The following SLC44A3 variants were observed in gnomAD, a reference collection of about 807,000 sequenced individuals.
The protein encoded by SLC44A3 is solute carrier family 44 member 3, also known as choline transporter-like protein 3.
A neutral mutation model predicts 75.4 loss-of-function variants in SLC44A3; 74 were observed. That is an observed-to-expected ratio of 0.98 (90% CI 0.81 to 1.19). The LOEUF (loss-of-function observed/expected upper bound fraction) is 1.19. Among genes scored for constraint, SLC44A3 ranks in the 50% most tolerant of loss-of-function variants. The probability of loss-of-function intolerance (pLI) is 0.00; values close to 1 mark genes in which losing one functional copy is unlikely to be tolerated. For missense variants in SLC44A3, 700 were observed against 778.6 expected (o/e 0.90, Z 1.20); for synonymous variants, 310 against 296.9 (o/e 1.04, Z -0.45).
chr1:94,823,469 G>A (rs566286903), intron 2 of SLC44A3, among the ~76,000 whole-genome samples: 66 of 152,312 alleles, frequency 4.3e-4, no homozygotes, highest in African/African-American at 6.0e-4. Flanking sequence ...TCTGCAGCCC[G>A]TAAGTCCTGC....
chr1:94,829,387 G>A (rs781245019), intron 5 of SLC44A3, among the ~76,000 whole-genome samples: 2 of 152,166 alleles, frequency 1.3e-5, no homozygotes, highest in Non-Finnish European at 2.9e-5. Flanking sequence ...GATGGACAAG[G>A]CCAAGTGATC....
intron 8 of SLC44A3, chr1:94,843,543 G>GTTA (rs1663962514): frequency 1.0e-5 from 1 of 98,470 alleles, no homozygotes; most frequent in Non-Finnish European, 2.2e-5. Flanking sequence ...TTTATCCACT[G>GTTA]TCACTGTCTT....
intron 9 of SLC44A3, among the ~76,000 whole-genome samples, chr1:94,851,176 G>A (rs1665167757): frequency 6.6e-6 from 1 of 152,200 alleles, no homozygotes; most frequent in African/African-American, 2.4e-5. Flanking sequence ...ATTGGTTTGA[G>A]TATTATTATT....
intron 10 of SLC44A3, among the ~76,000 whole-genome samples, chr1:94,864,430 A>C (rs545650778): frequency 6.6e-6 from 1 of 152,268 alleles, no homozygotes; most frequent in Admixed American, 6.5e-5. Flanking sequence ...AAATTCTGAA[A>C]GTGAAAATGA....
intron 10 of SLC44A3, among the ~76,000 whole-genome samples, chr1:94,861,864 T>A (rs1055252231): frequency 1.3e-5 from 2 of 152,172 alleles, no homozygotes; most frequent in Admixed American, 1.3e-4. Flanking sequence ...AAGGTGGTGT[T>A]AGGGATGTGA....
At chr1:94,844,238 G>A (rs1382839807) in intron 8 of SLC44A3, among the ~76,000 whole-genome samples, 1 of 152,200 alleles carries the variant, frequency 6.6e-6, no homozygotes, top group Admixed American at 6.5e-5. Context: ...GGCCACTGGA[G>A]GTAAAGAATA....
intron 14 of SLC44A3, among the ~76,000 whole-genome samples, chr1:94,894,286 A>G (rs1670535975): frequency 6.6e-6 from 1 of 152,196 alleles, no homozygotes. Flanking sequence ...AAGAAGCCTC[A>G]AGAACTCTCT....
intron 3 of SLC44A3, among the ~76,000 whole-genome samples, chr1:94,825,171 C>T (rs7543977): frequency 0.96 from 145,950 of 152,096 alleles, 70,333 homozygotes; most frequent in Non-Finnish European, 1. Context: ...CCTTACCCCA[C>T]CTCCCACAGG....
chr1:94,821,705 G>A (rs1571131126), intron 2 of SLC44A3, among the ~76,000 whole-genome samples: 2 of 152,220 alleles, frequency 1.3e-5, no homozygotes, highest in Admixed American at 6.5e-5. Flanking sequence ...CGTCTCACCC[G>A]ACATTTTCAA....
At chr1:94,832,651 C>G (rs1009690798) in intron 5 of SLC44A3, among the ~76,000 whole-genome samples, 1 of 152,146 alleles carries the variant, frequency 6.6e-6, no homozygotes, top group East Asian at 1.9e-4. Flanking sequence ...CTTTAAGTTG[C>G]AACAGACACT....
rs555690147 is a variant in SLC44A3, at chr1:94,869,303, C to T, written c.1482+1886C>T. ...ACCTTAATGACCATTGTGAAGGTGA[C>T]GACTCCTTTTAAAAGCTGTGTCAAT... On this transcript the variant is annotated intron_variant, in intron 12 of 14. Coordinates refer to ENST00000271227, the MANE Select transcript of SLC44A3 (RefSeq NM_001114106.3). Among the ~76,000 whole-genome samples, 75 of 152,324 alleles carry T rather than the reference C, an allele frequency of 4.9e-4. 1 individual carries two copies. Among genetic ancestry groups the T allele is most frequent in the African/African-American group, 9.6e-4 (40 of 41,568 alleles).
intron 12 of SLC44A3, among the ~76,000 whole-genome samples, chr1:94,882,946 G>A (rs1274188936): frequency 6.7e-6 from 1 of 148,962 alleles, no homozygotes. Context: ...AGAACAAAGG[G>A]ATCAATCAAT....
intron 12 of SLC44A3, chr1:94,888,735 G>A (rs1177423726): frequency 1.2e-6 from 1 of 837,038 alleles, no homozygotes; most frequent in African/African-American, 3.8e-5. Context: ...CCAGCCTTTT[G>A]TCTTTTTTTT....
intron 5 of SLC44A3, among the ~76,000 whole-genome samples, chr1:94,835,806 T>C (rs1662706449): frequency 1.3e-5 from 2 of 152,184 alleles, no homozygotes; most frequent in East Asian, 3.9e-4. Context: ...TCTAGAATGG[T>C]TTGCAAGAAA....
At chr1:94,847,511 A>G (rs975465578) in intron 9 of SLC44A3, among the ~76,000 whole-genome samples, 16 of 152,306 alleles carry the variant, frequency 1.1e-4, no homozygotes, top group African/African-American at 3.4e-4. Flanking sequence ...GCACGCACCA[A>G]TCAGAGGTTC....
At chr1:94,890,742 G>T (rs1350985916) in intron 12 of SLC44A3, among the ~76,000 whole-genome samples, 1 of 152,154 alleles carries the variant, frequency 6.6e-6, no homozygotes, top group South Asian at 2.1e-4. Context: ...AGCTACTCAG[G>T]AGGCCAAGGT....
chr1:94,871,043 G>T (rs72962408), intron 12 of SLC44A3, among the ~76,000 whole-genome samples: 8,840 of 152,248 alleles, frequency 0.058, 310 homozygotes, highest in Middle Eastern at 0.085. Context: ...CTTAGAGGAG[G>T]CACATAGTGG....
At chr1:94,841,545 A>G (rs1663643493) in intron 7 of SLC44A3, among the ~76,000 whole-genome samples, 9 of 152,214 alleles carry the variant, frequency 5.9e-5, no homozygotes, top group Non-Finnish European at 1.5e-5. Flanking sequence ...TCTGACTTCC[A>G]TGATTCCCAC....
intron 12 of SLC44A3, among the ~76,000 whole-genome samples, chr1:94,886,890 G>T (rs189879563): frequency 7.0e-4 from 106 of 152,114 alleles, no homozygotes; most frequent in Non-Finnish European, 1.3e-3. Context: ...ATCCTTCCTC[G>T]TATCTGTCTT....
Sources: allele counts gnomAD v4.1 joint callset (sites outside exome capture counted in the v4.1 genomes callset), GRCh38; gene constraint gnomAD v4.1.1; transcripts MANE v1.5; gene names NCBI Gene and HGNC (gene_info 2026-07-23, HGNC 2026-07-21).